Variants in GRM7 observed in about 807,000 individuals in gnomAD.
The protein encoded by GRM7 is metabotropic glutamate receptor 7.
Under a neutral mutation model 84.5 loss-of-function variants are expected in GRM7, and 35 were observed. The observed-to-expected ratio is 0.41, with a 90% CI of 0.32 to 0.55. GRM7 has a LOEUF of 0.55. Among genes scored for constraint, GRM7 ranks in the 20% least tolerant of loss-of-function variants. The pLI is 0.19. For missense variants in GRM7, 1,003 were observed against 1,194.6 expected (o/e 0.84, Z 2.36); for synonymous variants, 487 against 455.1 (o/e 1.07, Z -0.89).
chr3:7,546,020 T>A (rs1693128250), intron 7 of GRM7, among the ~76,000 whole-genome samples: 1 of 152,214 alleles, frequency 6.6e-6, no homozygotes, highest in African/African-American at 2.4e-5. Context: ...TAGTGCCTGG[T>A]TCATTATTTA....
At chr3:7,116,129 G>A (rs188444503) in intron 1 of GRM7, among the ~76,000 whole-genome samples, 24 of 152,138 alleles carry the variant, frequency 1.6e-4, no homozygotes, top group African/African-American at 5.3e-4. Flanking sequence ...TGTGTTGGAC[G>A]GAAATACTCA....
chr3:7,534,055 C>G (rs1701148295), intron 7 of GRM7, among the ~76,000 whole-genome samples: 1 of 143,858 alleles, frequency 7.0e-6, no homozygotes, highest in African/African-American at 2.6e-5. Context: ...CACTCTTTTA[C>G]CAAGGCTGGA....
chr3:6,894,286 A>G (rs1182409139), intron 1 of GRM7, among the ~76,000 whole-genome samples: 2 of 152,184 alleles, frequency 1.3e-5, no homozygotes, highest in African/African-American at 4.8e-5. Context: ...CTGAATCTCC[A>G]AAGTAAATTT....
At chr3:7,319,058 C>T (rs1001133445) in intron 4 of GRM7, among the ~76,000 whole-genome samples, 7 of 152,012 alleles carry the variant, frequency 4.6e-5, no homozygotes, top group African/African-American at 1.7e-4. Flanking sequence ...TTGAGTTCAA[C>T]CTAGAAATAC....
intron 4 of GRM7, among the ~76,000 whole-genome samples, chr3:7,402,755 G>C (rs1695503476): frequency 6.7e-6 from 1 of 149,802 alleles, no homozygotes; most frequent in Non-Finnish European, 1.5e-5. Flanking sequence ...CAAATACTAA[G>C]TGGTCATGCA....
chr3:7,614,596 T>C (rs1696997357), intron 8 of GRM7, among the ~76,000 whole-genome samples: 1 of 152,214 alleles, frequency 6.6e-6, no homozygotes, highest in African/African-American at 2.4e-5. Context: ...TTGAGTTTGT[T>C]ATTCTTGATC....
intron 5 of GRM7, among the ~76,000 whole-genome samples, chr3:7,445,492 G>A (rs1180050342): frequency 1.3e-5 from 2 of 152,160 alleles, no homozygotes; most frequent in African/African-American, 2.4e-5. Context: ...CGTGCTGCGG[G>A]TGGTGCTGTG....
chr3:7,602,179 T>A lies in GRM7; in HGVS notation c.2451+22822T>A, dbSNP rs147433692. ...GAGCTTGTAAATAAAGGGATGATGC[T>A]TATGAGCAGCCCTGGCTTTGGTGCC... is the stretch of plus-strand genomic sequence containing the variant. On this transcript the variant is annotated intron_variant, in intron 8 of 9. Transcript: ENST00000357716. Among the ~76,000 whole-genome samples the A allele has an allele frequency of 2.4e-4, 37 of 151,852 alleles. No individual in the cohort carries two copies. The East Asian group carries it at 7.0e-3, about 29-fold the overall frequency.
At chr3:7,367,944 A>G (rs1392432166) in intron 4 of GRM7, among the ~76,000 whole-genome samples, 4 of 129,800 alleles carry the variant, frequency 3.1e-5, no homozygotes, top group African/African-American at 1.2e-4. Flanking sequence ...TCCTCAAAAA[A>G]AAAAAAAAAG....
Position 7,278,674 on chromosome 3 carries a change from C to T in GRM7, c.737-20010C>T, listed in dbSNP as rs563872269. ...ATGCATAAGATGTGATTCTTAGAAT[C>T]GGGTACTCAATGTCAAGAAGACAAG... On this transcript the variant is annotated intron_variant, in intron 2 of 9. Transcript: ENST00000357716. Among the ~76,000 whole-genome samples the T allele has an allele frequency of 8.0e-4, 122 of 152,148 alleles. 1 individual carries two copies. The highest frequency in any genetic ancestry group is 3.4e-3 in the Middle Eastern group (1 of 294).
chr3:7,318,717 T>C (rs1371315209), intron 4 of GRM7, among the ~76,000 whole-genome samples: 1 of 152,116 alleles, frequency 6.6e-6, no homozygotes, highest in Non-Finnish European at 1.5e-5. Context: ...ATTGAAATTT[T>C]AAAGTTAAAA....
chr3:7,730,816 A>G (rs1395812941), intron 9 of GRM7, among the ~76,000 whole-genome samples: 4 of 152,222 alleles, frequency 2.6e-5, no homozygotes, highest in Non-Finnish European at 5.9e-5. Flanking sequence ...CATCTATAAT[A>G]TATTGAAATT....
chr3:6,989,155 T>G (rs1694540947), intron 1 of GRM7, among the ~76,000 whole-genome samples: 1 of 152,208 alleles, frequency 6.6e-6, no homozygotes, highest in African/African-American at 2.4e-5. Context: ...CAAAGCATTT[T>G]ACACAAAGAG....
At chr3:7,666,049 T>C (rs1416950422) in intron 8 of GRM7, among the ~76,000 whole-genome samples, 1 of 152,136 alleles carries the variant, frequency 6.6e-6, no homozygotes, top group African/African-American at 2.4e-5. Context: ...GATAACTGAA[T>C]CTATGACCGC....
At chr3:7,249,316 C>T (rs1697891881) in intron 2 of GRM7, among the ~76,000 whole-genome samples, 1 of 152,110 alleles carries the variant, frequency 6.6e-6, no homozygotes, top group South Asian at 2.1e-4. Context: ...TACGTAAATG[C>T]TAGTGTACCA....
At chr3:7,319,848 C>T (rs1700711075) in intron 4 of GRM7, among the ~76,000 whole-genome samples, 1 of 151,812 alleles carries the variant, frequency 6.6e-6, no homozygotes, top group Non-Finnish European at 1.5e-5. Flanking sequence ...TAAACTTTTT[C>T]TTGAAGTATA....
At chr3:7,616,498 TA>T (rs1490476021) in intron 8 of GRM7, among the ~76,000 whole-genome samples, 1 of 152,166 alleles carries the variant, frequency 6.6e-6, no homozygotes, top group African/African-American at 2.4e-5. Flanking sequence ...AGGATCCAGC[TA>T]ATTTCCTCAT....
At chr3:7,059,968 A>G (rs193232960) in intron 1 of GRM7, among the ~76,000 whole-genome samples, 1 of 151,978 alleles carries the variant, frequency 6.6e-6, no homozygotes, top group East Asian at 1.9e-4. Flanking sequence ...GCTGGACTGC[A>G]GCACAATTCT....
At chr3:6,952,121 A>G (rs911318326) in intron 1 of GRM7, among the ~76,000 whole-genome samples, 2 of 151,956 alleles carry the variant, frequency 1.3e-5, no homozygotes, top group African/African-American at 4.8e-5. Flanking sequence ...TTATTTGAGG[A>G]TGCAGTGATA....
Sources: gnomAD v4.1 joint callset for allele counts (sites outside exome capture counted in the v4.1 genomes callset) on GRCh38, gnomAD v4.1.1 for gene constraint, MANE v1.5 for transcripts, NCBI Gene and HGNC (gene_info 2026-07-23, HGNC 2026-07-21) for gene names.